ZNF362: variants seen among roughly 807,000 people sequenced by gnomAD.
ZNF362 encodes the protein rotund homolog.
A neutral mutation model predicts 42.9 loss-of-function variants in ZNF362; 11 were observed. The observed-to-expected ratio is 0.26, with a 90% CI of 0.16 to 0.42. ZNF362 has a LOEUF of 0.42. Among genes scored for constraint, ZNF362 ranks in the 20% least tolerant of loss-of-function variants. The pLI is 1.00. For synonymous variants in ZNF362, 255 were observed against 257.3 expected (o/e 0.99, Z 0.09); for missense variants, 362 against 576.2 (o/e 0.63, Z 3.81).
At chr1:33,289,533 A>G (rs1182692531) in intron 6 of ZNF362, among the ~76,000 whole-genome samples, 2 of 152,132 alleles carry the variant, frequency 1.3e-5, no homozygotes, top group Non-Finnish European at 2.9e-5. Flanking sequence ...ACTGGTCAAG[A>G]GGGCTTGGCT....
At chr1:33,291,543 T>G (rs1402428982) in intron 6 of ZNF362, among the ~76,000 whole-genome samples, 1 of 152,270 alleles carries the variant, frequency 6.6e-6, no homozygotes, top group Non-Finnish European at 1.5e-5. Flanking sequence ...GACTTGGCAA[T>G]GCAGGCTCTT....
intron 6 of ZNF362, among the ~76,000 whole-genome samples, chr1:33,289,007 G>C (rs557724239): frequency 3.3e-5 from 5 of 152,294 alleles, no homozygotes; most frequent in Non-Finnish European, 7.3e-5. Flanking sequence ...CCAGCCCCAT[G>C]CTGGGTGCCA....
chr1:33,174,632 G>A, the ZNF362 span, among the ~76,000 whole-genome samples: 1 of 152,174 alleles, frequency 6.6e-6, no homozygotes, highest in African/African-American at 2.4e-5. Context: ...CTTGAACCCA[G>A]TCCGTGGAAC....
At chr1:33,132,198 C>T in the ZNF362 span, among the ~76,000 whole-genome samples, 3 of 152,192 alleles carry the variant, frequency 2.0e-5, no homozygotes, top group African/African-American at 7.2e-5. Context: ...CTGCTTTTTT[C>T]CCACCCTTAC....
chr1:33,268,397 G>A (rs1645879058), intron 1 of ZNF362, among the ~76,000 whole-genome samples: 1 of 152,192 alleles, frequency 6.6e-6, no homozygotes, highest in African/African-American at 2.4e-5. Flanking sequence ...ACTGTGCAGG[G>A]CTTAAAAGAT....
the ZNF362 span, among the ~76,000 whole-genome samples, chr1:33,149,110 G>T: frequency 0.011 from 1,658 of 152,276 alleles, 25 homozygotes; most frequent in African/African-American, 0.037. Context: ...TCACCCAGCA[G>T]ATGTGCTCGT....
At chr1:33,131,392 G>C in the ZNF362 span, among the ~76,000 whole-genome samples, 1 of 152,154 alleles carries the variant, frequency 6.6e-6, no homozygotes, top group Non-Finnish European at 1.5e-5. Context: ...CTCCTGCAGG[G>C]CTCTGAGGGT....
the ZNF362 span, among the ~76,000 whole-genome samples, chr1:33,203,548 T>C: frequency 6.6e-6 from 1 of 152,196 alleles, no homozygotes; most frequent in South Asian, 2.1e-4. Context: ...GAAACCTCCA[T>C]GCTGTTTTCC....
At chr1:33,158,248 C>T in the ZNF362 span, 1 of 1,612,198 alleles carries the variant, frequency 6.2e-7, no homozygotes, top group Non-Finnish European at 8.5e-7. Flanking sequence ...TAACCCATGC[C>T]TTACCTGGGT....
At chr1:33,204,672 T>C in the ZNF362 span, among the ~76,000 whole-genome samples, 1 of 152,226 alleles carries the variant, frequency 6.6e-6, no homozygotes, top group Non-Finnish European at 1.5e-5. Flanking sequence ...ACCTACAGTT[T>C]ACAGCATACT....
intron 1 of ZNF362, among the ~76,000 whole-genome samples, chr1:33,270,179 C>G (rs116359987): frequency 6.6e-6 from 1 of 152,152 alleles, no homozygotes; most frequent in Admixed American, 6.5e-5. Context: ...GAATGAGCAC[C>G]AACCCTACTT....
chr1:33,144,616 G>T, the ZNF362 span, among the ~76,000 whole-genome samples: 1 of 152,226 alleles, frequency 6.6e-6, no homozygotes, highest in South Asian at 2.1e-4. Context: ...TAAGTAAAGT[G>T]AACTTTAATT....
the ZNF362 span, among the ~76,000 whole-genome samples, chr1:33,130,122 G>C: frequency 6.6e-6 from 1 of 152,196 alleles, no homozygotes; most frequent in African/African-American, 2.4e-5. Flanking sequence ...GCCTCCCAAA[G>C]TGCTGGGATT....
At chr1:33,239,562 T>G in the ZNF362 span, among the ~76,000 whole-genome samples, 2 of 152,064 alleles carry the variant, frequency 1.3e-5, no homozygotes, top group Non-Finnish European at 2.9e-5. Flanking sequence ...AAACTTACAA[T>G]CATGGCGGAA....
the ZNF362 span, among the ~76,000 whole-genome samples, chr1:33,174,021 TTTA>T: frequency 8.6e-5 from 13 of 152,044 alleles, no homozygotes; most frequent in East Asian, 2.3e-3. Flanking sequence ...TAAAAAAAAT[TTTA>T]TTGAGGTAAA....
the ZNF362 span, among the ~76,000 whole-genome samples, chr1:33,185,181 A>C: frequency 6.6e-6 from 1 of 151,912 alleles, no homozygotes; most frequent in Non-Finnish European, 1.5e-5. Context: ...ATCTCCTCCA[A>C]AGGACATAGT....
intron 1 of ZNF362, 89 bp from the exon 2 acceptor site, chr1:33,270,398 T>A: frequency 1.7e-6 from 1 of 578,900 alleles, no homozygotes; most frequent in Non-Finnish European, 3.1e-6. Flanking sequence ...TCATGACATA[T>A]TCAACACATA....
chr1:33,280,417 C>G lies in ZNF362; in HGVS notation c.643C>G (p.Leu215Val), dbSNP rs757680725. 9 of 1,611,228 alleles carry G rather than the reference C, an allele frequency of 5.6e-6. No individual in the cohort carries two copies. Among genetic ancestry groups the G allele is most frequent in the Admixed American group, 5.0e-5 (3 of 59,740 alleles). ...PPVLVVPYPILASGETAKEGK... is the reference protein window; with the variant it reads ...PPVLVVPYPIVASGETAKEGK... The stretch of plus-strand genomic sequence containing the variant: ...TGTCCTTGTAGTCCCCTATCCCATC[C>G]TGGCCTCGGGCGAGACTGCCAAGGA... The change falls in exon 5 of 9, where the codon CTG becomes GTG. Residue 215 changes from leucine (L) to valine (V), a missense_variant. This residue lies in a region of ZNF362 where 266 missense variants were observed against 365.4 expected (regional missense o/e 0.73). Transcript: ENST00000539719. This position sits in a 1 kb window ranked among gnomAD's most constrained non-coding sequence, Gnocchi z 5.6.
At chr1:33,249,881 C>T in the ZNF362 span, among the ~76,000 whole-genome samples, 2 of 152,288 alleles carry the variant, frequency 1.3e-5, no homozygotes, top group African/African-American at 4.8e-5. Flanking sequence ...TAGGTATTTG[C>T]ATCCTTAATT....
Sources: allele counts gnomAD v4.1 joint callset (sites outside exome capture counted in the v4.1 genomes callset), GRCh38; gene constraint gnomAD v4.1.1; regional missense constraint gnomAD v4.1.1; non-coding constraint Gnocchi (gnomAD v3.1); transcripts MANE v1.5; gene names NCBI Gene and HGNC (gene_info 2026-07-23, HGNC 2026-07-21).